Variants in FREM1 observed in about 807,000 individuals in gnomAD.
FREM1 encodes the protein FRAS1-related extracellular matrix protein 1.
In FREM1, 220 loss-of-function variants were observed where a neutral mutation model predicts 210.1. The observed-to-expected ratio is 1.05, with a 90% CI of 0.94 to 1.17. The LOEUF (loss-of-function observed/expected upper bound fraction) is 1.17, where lower values mean the gene tolerates loss of function less well. Among genes scored for constraint, FREM1 ranks in the 50% most tolerant of loss-of-function variants. The pLI, the probability that FREM1 is intolerant of heterozygous loss-of-function variation, is 0.00. For synonymous variants in FREM1, 1,189 were observed against 980.2 expected, an observed-to-expected ratio of 1.21 and a Z score of -3.98; for missense variants, 3,454 against 2,675.5, an observed-to-expected ratio of 1.29 and a Z score of -6.42.
intron 1 of FREM1, among the ~76,000 whole-genome samples, chr9:14,870,489 G>C (rs1832432127): frequency 6.6e-6 from 1 of 151,338 alleles, no homozygotes; most frequent in Middle Eastern, 3.2e-3. Flanking sequence ...TGTTGTCTTT[G>C]TTTTTTTTCT....
At chr9:14,788,123 A>G (rs904032527) in intron 23 of FREM1, among the ~76,000 whole-genome samples, 3 of 152,186 alleles carry the variant, frequency 2.0e-5, no homozygotes, top group African/African-American at 7.2e-5. Flanking sequence ...CATTCAGTCA[A>G]TCAAGCATGT....
chr9:14,858,819 A>G (rs974980608), intron 4 of FREM1, among the ~76,000 whole-genome samples: 11 of 152,198 alleles, frequency 7.2e-5, no homozygotes, highest in African/African-American at 2.2e-4. Flanking sequence ...TGTTGCTATT[A>G]CTAATAACAG....
rs755225143 is a variant in FREM1 at position 14,769,775 on chromosome 9, G to A, written c.5153C>T (p.Thr1718Ile). Residue 1718 changes from threonine (T) to isoleucine (I), a missense_variant, in exon 27 of 37, where the codon ACC becomes ATC. Physicochemically the swap from Thr to Ile is moderately conservative, Grantham distance 89. Transcript: ENST00000380880. ...GGGGTCCATGATTTGAAATTCCACG[G>A]TATCTGAATTTACTTCCAAAGATGG... ...INPSLEVNSD[T>I]VEFQIMDPTG... 9 of 1,609,686 alleles carry A rather than the reference G, an allele frequency of 5.6e-6. No homozygotes were observed. Among genetic ancestry groups the A allele is most frequent in the Non-Finnish European group, 5.1e-6 (6 of 1,176,648 alleles).
At chr9:14,892,412 G>T (rs1291772386) in intron 1 of FREM1, among the ~76,000 whole-genome samples, 1 of 152,008 alleles carries the variant, frequency 6.6e-6, no homozygotes, top group Non-Finnish European at 1.5e-5. Context: ...AGATAGAGTG[G>T]GTTAAAGGCC....
chr9:14,800,265 C>T (rs986182143), intron 20 of FREM1, among the ~76,000 whole-genome samples: 1 of 151,958 alleles, frequency 6.6e-6, no homozygotes, highest in Non-Finnish European at 1.5e-5. Context: ...CAGAAAGGTG[C>T]GTTCTGAAGG....
At chr9:14,758,345 A>C (rs1844810997) in intron 28 of FREM1, among the ~76,000 whole-genome samples, 1 of 152,184 alleles carries the variant, frequency 6.6e-6, no homozygotes, top group South Asian at 2.1e-4. Context: ...GCGTGGCCCA[A>C]AACTCCAGCC....
chr9:14,792,942 G>GGATATTATATT (rs1293380036), intron 21 of FREM1, 58 bp from the exon 22 acceptor site: 35 of 1,135,812 alleles, frequency 3.1e-5, no homozygotes, highest in Non-Finnish European at 4.3e-5. Context: ...CTTTAGTAGG[G>GGATATTATATT]GACACTTATA....
chr9:14,901,262 T>A (rs185127132), intron 1 of FREM1, among the ~76,000 whole-genome samples: 12 of 152,324 alleles, frequency 7.9e-5, no homozygotes, highest in Admixed American at 2.0e-4. Context: ...TGCTTAATCA[T>A]CTGCTGTAAA....
intron 10 of FREM1, among the ~76,000 whole-genome samples, chr9:14,835,641 T>C (rs1474410403): frequency 6.6e-6 from 1 of 152,198 alleles, no homozygotes; most frequent in African/African-American, 2.4e-5. Flanking sequence ...TCACAGGTAT[T>C]AGAGGATACA....
At chr9:14,868,694 C>T (rs1832000196) in intron 2 of FREM1, 50 bp downstream of exon 2, 1 of 1,157,520 alleles carries the variant, frequency 8.6e-7, no homozygotes, top group African/African-American at 1.5e-5. Context: ...CATTTTCATA[C>T]ACTTGCATTC....
At chr9:14,834,573 G>T (rs2131039317) in intron 10 of FREM1, among the ~76,000 whole-genome samples, 1 of 152,146 alleles carries the variant, frequency 6.6e-6, no homozygotes, top group South Asian at 2.1e-4. Flanking sequence ...AAATGTTTTT[G>T]CCTTTTGAGT....
At chr9:14,759,927 C>A (rs1325881955) in intron 27 of FREM1, 26 bp from the exon 28 acceptor site, 4 of 1,594,474 alleles carry the variant, frequency 2.5e-6, no homozygotes, top group Non-Finnish European at 3.4e-6. Flanking sequence ...AAAGAGAAAT[C>A]ATGAGAATGC....
At chr9:14,740,266 A>G (rs947672140) in intron 35 of FREM1, 32 bp from the exon 36 acceptor site, 1 of 1,469,476 alleles carries the variant, frequency 6.8e-7, no homozygotes, top group African/African-American at 1.4e-5. Flanking sequence ...AGTATCAGCA[A>G]CAAGCAGTTA....
rs1587669495 is a variant in FREM1 at position 14,746,920 on chromosome 9, T to C, written c.6138+3A>G. On this transcript the variant is annotated splice_donor_region_variant and intron_variant, in intron 34 of 36. Coordinates refer to ENST00000380880, the MANE Select transcript of FREM1 (RefSeq NM_001379081.2). Reference sequence around the variant, plus strand: ...GTGCTTGGCTGCTCAGCCTGCCTCCTACCTTGGTTTGGGGACTCCAGGCTT... The same window carrying C: ...GTGCTTGGCTGCTCAGCCTGCCTCCCACCTTGGTTTGGGGACTCCAGGCTT... The C allele has an allele frequency of 4.3e-6, 7 of 1,612,292 alleles. No individual in the cohort carries two copies. Among genetic ancestry groups the C allele is most frequent in the Non-Finnish European group, 5.9e-6 (7 of 1,179,530 alleles).
In FREM1 at chr9:14,807,935, G is replaced by T. The variant is rs1245035169; in HGVS notation, c.3088+5C>A. 6.2e-7 allele frequency: 1 copy of T among 1,605,410 alleles called. No homozygotes were observed. The highest frequency in any genetic ancestry group is 2.2e-5 in the East Asian group (1 of 44,806). On this transcript the variant is annotated splice_donor_5th_base_variant and intron_variant, in intron 17 of 36. Transcript: ENST00000380880. ...TAGTACTGGAACAAAAAAACACATTGTCACCTATTGCAATGGAAGGTGGCT... is the reference window on the plus strand; with the variant it reads ...TAGTACTGGAACAAAAAAACACATTTTCACCTATTGCAATGGAAGGTGGCT...
chr9:14,858,413 T>C (rs1829182410), intron 4 of FREM1, among the ~76,000 whole-genome samples: 1 of 152,016 alleles, frequency 6.6e-6, no homozygotes, highest in Non-Finnish European at 1.5e-5. Context: ...TTGCCCAGAC[T>C]GGTCTTGAAA....
At chr9:14,827,572 G>C (rs929248805) in intron 10 of FREM1, among the ~76,000 whole-genome samples, 1 of 152,114 alleles carries the variant, frequency 6.6e-6, no homozygotes, top group Non-Finnish European at 1.5e-5. Flanking sequence ...ACCATATAAA[G>C]AATAAAAAAG....
Position 14,861,348 on chromosome 9 carries a change from T to C in FREM1, c.330-1864A>G, listed in dbSNP as rs76916876. 5.2e-3 allele frequency among the ~76,000 whole-genome samples: 561 copies of C among 107,778 alleles called. 55 individuals are homozygous for C. The highest frequency in any genetic ancestry group is 0.011 in the Middle Eastern group (2 of 186). The allele number at this position is 107,778 out of a possible 152,430, so 70.7% of individuals were successfully genotyped here. On this transcript the variant is annotated intron_variant, in intron 3 of 36. Coordinates refer to ENST00000380880, the MANE Select transcript of FREM1 (RefSeq NM_001379081.2). ...ATATATACATATATACACATATATA[T>C]ACATATATACACATATATACACGTA...
rs542785000 is a variant in FREM1, at chr9:14,845,402, T to G, written c.1393+558A>C. Among the ~76,000 whole-genome samples the G allele has an allele frequency of 1.1e-4, 16 of 152,202 alleles. 1 individual carries two copies. In the South Asian group the frequency reaches 3.3e-3, roughly 32 times the overall value. Reference sequence around the variant, plus strand: ...TCACTGCAACCTCTGCCGCCCAGGTTCAAGCAATTCTCCTGTCTCAGCCTC... The same window carrying G: ...TCACTGCAACCTCTGCCGCCCAGGTGCAAGCAATTCTCCTGTCTCAGCCTC... On this transcript the variant is annotated intron_variant, in intron 8 of 36. Transcript: ENST00000380880.
Sources: allele counts gnomAD v4.1 joint callset (sites outside exome capture counted in the v4.1 genomes callset), GRCh38; gene constraint gnomAD v4.1.1; transcripts MANE v1.5; gene names NCBI Gene and HGNC (gene_info 2026-07-23, HGNC 2026-07-21).